Variants in VPS41 observed in about 807,000 individuals in gnomAD.
VPS41 encodes the protein VPS41 subunit of HOPS complex, also known as vacuolar protein sorting-associated protein 41 homolog.
Under a neutral mutation model 130.9 loss-of-function variants are expected in VPS41, and 85 were observed. The ratio of observed to expected loss-of-function variants is 0.65; its 90% CI spans 0.55 to 0.78. The LOEUF (loss-of-function observed/expected upper bound fraction) is 0.78. Ranked by LOEUF, VPS41 falls within the 30% of genes least tolerant of loss-of-function variation. The pLI is 0.00. For synonymous variants in VPS41, 335 were observed against 332.9 expected (o/e 1.01, Z -0.07); for missense variants, 874 against 1,018.7 (o/e 0.86, Z 1.93).
At chr7:38,741,637 G>A (rs1584367383) in intron 25 of VPS41, among the ~76,000 whole-genome samples, 1 of 152,156 alleles carries the variant, frequency 6.6e-6, no homozygotes, top group African/African-American at 2.4e-5. Flanking sequence ...AAATGTTGGG[G>A]TGGCCCGATC....
chr7:38,745,743 A>C, intron 22 of VPS41, 130 bp from the exon 23 acceptor site: 1 of 736,044 alleles, frequency 1.4e-6, no homozygotes. Context: ...AAGCAAACAA[A>C]TAAAGAACAC....
intron 10 of VPS41, among the ~76,000 whole-genome samples, chr7:38,778,689 C>G (rs1784303639): frequency 6.6e-6 from 1 of 152,134 alleles, no homozygotes; most frequent in Non-Finnish European, 1.5e-5. Context: ...GAGATTCTCA[C>G]AGAAATCACA....
chr7:38,847,009 T>C (rs897105782), intron 4 of VPS41, among the ~76,000 whole-genome samples: 2 of 151,614 alleles, frequency 1.3e-5, no homozygotes, highest in Non-Finnish European at 2.9e-5. Context: ...TAAAAAAGAG[T>C]AGGAGACTTC....
At chr7:38,764,769 T>C (rs1783998918) in intron 16 of VPS41, among the ~76,000 whole-genome samples, 1 of 152,082 alleles carries the variant, frequency 6.6e-6, no homozygotes, top group South Asian at 2.1e-4. Flanking sequence ...AGGACTGAAT[T>C]TGGGAAGGAA....
chr7:38,836,828 T>C (rs1241575841), intron 4 of VPS41, among the ~76,000 whole-genome samples: 1 of 152,204 alleles, frequency 6.6e-6, no homozygotes, highest in Non-Finnish European at 1.5e-5. Context: ...CAAAAAAGGA[T>C]ACTCTACTCA....
chr7:38,756,345 C>A (rs1415611463), intron 19 of VPS41, among the ~76,000 whole-genome samples: 1 of 151,864 alleles, frequency 6.6e-6, no homozygotes, highest in African/African-American at 2.4e-5. Flanking sequence ...ATTTGTCACA[C>A]AATAAAATAA....
Position 38,756,903 on chromosome 7 carries a change from G to C in VPS41, c.1630C>G (p.His544Asp). Reference protein sequence around the residue: ...LRHKDVFQLIHKHNLFSSIKD... With the variant: ...LRHKDVFQLIDKHNLFSSIKD... ...ATAGAACTGAAAAGATTATGCTTGT[G>C]GATCAACTGAAAAACGTCTTTATGT... is the stretch of plus-strand genomic sequence containing the variant. Residue 544 changes from histidine (H) to aspartate (D), a missense_variant, in exon 19 of 29, where the codon CAC becomes GAC. Physicochemically the swap from His to Asp is moderately conservative, Grantham distance 81. Coordinates refer to ENST00000310301, the MANE Select transcript of VPS41 (RefSeq NM_014396.4). 1 of 1,599,472 alleles carries C rather than the reference G, an allele frequency of 6.3e-7. No individual in the cohort carries two copies. The highest frequency in any genetic ancestry group is 8.6e-7 in the Non-Finnish European group (1 of 1,168,050).
chr7:38,873,257 A>C (rs1786411893), intron 2 of VPS41, among the ~76,000 whole-genome samples: 1 of 152,112 alleles, frequency 6.6e-6, no homozygotes, highest in African/African-American at 2.4e-5. Context: ...TGTTAAGTTA[A>C]AAGTAGGGTA....
intron 25 of VPS41, among the ~76,000 whole-genome samples, chr7:38,741,106 A>T (rs1795870467): frequency 6.6e-6 from 1 of 152,116 alleles, no homozygotes; most frequent in East Asian, 1.9e-4. Context: ...GTGCAGGCAG[A>T]CCTCTACTTT....
chr7:38,895,826 T>C (rs1291580506), intron 2 of VPS41, among the ~76,000 whole-genome samples: 1 of 152,166 alleles, frequency 6.6e-6, no homozygotes, highest in Non-Finnish European at 1.5e-5. Context: ...CTTTAAATTC[T>C]CGAAATCCAC....
chr7:38,894,168 A>G (rs1786928361), intron 2 of VPS41, among the ~76,000 whole-genome samples: 1 of 152,198 alleles, frequency 6.6e-6, no homozygotes, highest in African/African-American at 2.4e-5. Context: ...ACGAGAAGAG[A>G]TGATAGAGAA....
chr7:38,861,031 A>G (rs939538244), intron 4 of VPS41, among the ~76,000 whole-genome samples: 3 of 152,182 alleles, frequency 2.0e-5, no homozygotes, highest in Admixed American at 6.5e-5. Flanking sequence ...AGAACTGAAG[A>G]AAGATTTAGA....
At chr7:38,831,555 T>A (rs1785387609) in intron 4 of VPS41, among the ~76,000 whole-genome samples, 1 of 152,246 alleles carries the variant, frequency 6.6e-6, no homozygotes, top group Non-Finnish European at 1.5e-5. Context: ...TCTTCTTTAC[T>A]GCAAGTTACA....
At chr7:38,752,107 GACAA>G (rs1783685609) in intron 22 of VPS41, 65 bp downstream of exon 22, 2 of 1,593,276 alleles carry the variant, frequency 1.3e-6, no homozygotes, top group South Asian at 2.3e-5. Context: ...AGAGAAGAAA[GACAA>G]ACAACTTACC....
intron 10 of VPS41, among the ~76,000 whole-genome samples, chr7:38,786,093 T>C (rs1784431480): frequency 2.0e-5 from 3 of 152,212 alleles, no homozygotes; most frequent in Admixed American, 6.5e-5. Flanking sequence ...TCTGAATGTC[T>C]GGAACAAGAC....
At chr7:38,829,342 G>A (rs930043324) in intron 5 of VPS41, among the ~76,000 whole-genome samples, 12 of 152,072 alleles carry the variant, frequency 7.9e-5, no homozygotes, top group African/African-American at 2.7e-4. Context: ...CTTTTACACC[G>A]GGTATACTGT....
chr7:38,728,862 C>T, intron 25 of VPS41, 71 bp from the exon 26 acceptor site: 2 of 1,346,276 alleles, frequency 1.5e-6, no homozygotes, highest in South Asian at 1.2e-5. Flanking sequence ...GGACACTGTA[C>T]TGGGGATTCC....
At chr7:38,753,629 T>C (rs1783727547) in intron 21 of VPS41, among the ~76,000 whole-genome samples, 1 of 152,146 alleles carries the variant, frequency 6.6e-6, no homozygotes, top group South Asian at 2.1e-4. Flanking sequence ...CACTTCACCA[T>C]TGCACTGATT....
intron 27 of VPS41, chr7:38,727,229 T>C: frequency 3.3e-6 from 1 of 298,878 alleles, no homozygotes; most frequent in Non-Finnish European, 6.2e-6. Flanking sequence ...TTACCCAGAC[T>C]ACATTGAGGA....
Sources: gnomAD v4.1 joint callset for allele counts (sites outside exome capture counted in the v4.1 genomes callset) on GRCh38, gnomAD v4.1.1 for gene constraint, MANE v1.5 for transcripts, NCBI Gene and HGNC (gene_info 2026-07-23, HGNC 2026-07-21) for gene names.